EXOC4: variants seen among roughly 807,000 people sequenced by gnomAD.
EXOC4 encodes SEC8-like 1.
Under a neutral mutation model 107.2 loss-of-function variants are expected in EXOC4, and 71 were observed. That is an observed-to-expected ratio of 0.66 (90% CI 0.55 to 0.81). The LOEUF is 0.81. Among genes scored for constraint, EXOC4 ranks in the 30% least tolerant of loss-of-function variants. EXOC4 has a pLI of 0.00. For synonymous variants in EXOC4, 456 were observed against 441.2 expected, an observed-to-expected ratio of 1.03 and a Z score of -0.42; for missense variants, 1,108 against 1,189.6, an observed-to-expected ratio of 0.93 and a Z score of 1.01.
At chr7:134,066,820 G>A (rs1173635097), downstream of EXOC4, among the ~76,000 whole-genome samples, 1 of 152,132 alleles carries the variant, frequency 6.6e-6, no homozygotes, top group Non-Finnish European at 1.5e-5. Flanking sequence ...TAATGTTCTT[G>A]TGTGAAGACC....
At chr7:133,936,565 T>C (rs138469873) in intron 13 of EXOC4, among the ~76,000 whole-genome samples, 3 of 152,292 alleles carry the variant, frequency 2.0e-5, no homozygotes, top group African/African-American at 7.2e-5. Flanking sequence ...TATTTCAACC[T>C]CCTCCAGCAT....
chr7:133,974,530 G>A (rs769359207), intron 14 of EXOC4, among the ~76,000 whole-genome samples: 7 of 152,010 alleles, frequency 4.6e-5, no homozygotes, highest in East Asian at 1.9e-4. Context: ...TTATTTGATC[G>A]GTAGTACACA....
At chr7:133,880,090 C>CT (rs1219424130) in intron 11 of EXOC4, among the ~76,000 whole-genome samples, 1 of 152,194 alleles carries the variant, frequency 6.6e-6, no homozygotes, top group Non-Finnish European at 1.5e-5. Flanking sequence ...CTCTGCCTCT[C>CT]TAAGTATCCA....
At chr7:133,358,203 A>C (rs1209195799) in intron 6 of EXOC4, among the ~76,000 whole-genome samples, 1 of 152,056 alleles carries the variant, frequency 6.6e-6, no homozygotes, top group South Asian at 2.1e-4. Context: ...CAAACAAACA[A>C]ACACCCCAAA....
At chr7:133,770,156 T>C (rs538722988) in intron 10 of EXOC4, among the ~76,000 whole-genome samples, 3 of 152,076 alleles carry the variant, frequency 2.0e-5, no homozygotes, top group African/African-American at 7.2e-5. Flanking sequence ...ATTAGTTAAC[T>C]ATTACATTTT....
chr7:133,979,273 G>A (rs1793916075), intron 14 of EXOC4, among the ~76,000 whole-genome samples: 1 of 151,994 alleles, frequency 6.6e-6, no homozygotes, highest in Admixed American at 6.6e-5. Context: ...AATCATTACT[G>A]TCTTACCTTT....
intron 9 of EXOC4, among the ~76,000 whole-genome samples, chr7:133,597,357 C>G (rs1312398939): frequency 6.6e-6 from 1 of 151,932 alleles, no homozygotes; most frequent in African/African-American, 2.4e-5. Context: ...AGATCCAGAC[C>G]AGCCTGAACC....
chr7:133,651,972 G>A (rs967662862), intron 10 of EXOC4, among the ~76,000 whole-genome samples: 9 of 152,130 alleles, frequency 5.9e-5, no homozygotes, highest in Admixed American at 4.6e-4. Flanking sequence ...GAGCCACCAC[G>A]CCCTGCCGTA....
At chr7:133,256,643 T>C (rs1795025989) in intron 1 of EXOC4, among the ~76,000 whole-genome samples, 1 of 152,246 alleles carries the variant, frequency 6.6e-6, no homozygotes. Context: ...AAAATGCTCC[T>C]TTAATTCTCT....
chr7:133,622,782 C>G (rs908103476), intron 9 of EXOC4, among the ~76,000 whole-genome samples: 1 of 152,066 alleles, frequency 6.6e-6, no homozygotes, highest in Non-Finnish European at 1.5e-5. Context: ...TTCAGTACTC[C>G]GTTTTAGACT....
intron 14 of EXOC4, among the ~76,000 whole-genome samples, chr7:133,990,208 T>C (rs1794218202): frequency 6.6e-6 from 1 of 152,098 alleles, no homozygotes; most frequent in Non-Finnish European, 1.5e-5. Context: ...TGTGGTACTG[T>C]CAAATACTAG....
At chr7:133,944,145 A>G (rs1800496325) in intron 14 of EXOC4, among the ~76,000 whole-genome samples, 1 of 152,130 alleles carries the variant, frequency 6.6e-6, no homozygotes, top group Admixed American at 6.5e-5. Flanking sequence ...TATTAATGAA[A>G]GTCTATACTT....
chr7:133,755,255 A>ATATATTC (rs1795882325), intron 10 of EXOC4, among the ~76,000 whole-genome samples: 1 of 100,428 alleles, frequency 1.0e-5, no homozygotes, highest in Non-Finnish European at 1.9e-5. Context: ...TATATATATT[A>ATATATTC]TATATATATT....
At chr7:133,986,047 T>A (rs1465607905) in intron 14 of EXOC4, among the ~76,000 whole-genome samples, 1 of 152,264 alleles carries the variant, frequency 6.6e-6, no homozygotes, top group African/African-American at 2.4e-5. Context: ...GATGTTGTGC[T>A]TCAGAGCGTA....
At chr7:134,063,418 G>T (rs1360546721) in intron 17 of EXOC4, among the ~76,000 whole-genome samples, 2 of 152,198 alleles carry the variant, frequency 1.3e-5, no homozygotes, top group African/African-American at 2.4e-5. Flanking sequence ...TGAAAAAACA[G>T]TCTTGAACTT....
chr7:133,954,470 A>G (rs1800768711), intron 14 of EXOC4, among the ~76,000 whole-genome samples: 2 of 152,208 alleles, frequency 1.3e-5, no homozygotes, highest in Non-Finnish European at 2.9e-5. Flanking sequence ...TTTTCTGGTT[A>G]TATTTTTAAA....
At chr7:133,951,595 T>G (rs1208982138) in intron 14 of EXOC4, among the ~76,000 whole-genome samples, 1 of 152,216 alleles carries the variant, frequency 6.6e-6, no homozygotes, top group East Asian at 1.9e-4. Context: ...CTCCTGTCCT[T>G]CCTGTTGATA....
chr7:133,658,358 C>G (rs1041829903), intron 10 of EXOC4, among the ~76,000 whole-genome samples: 2 of 152,134 alleles, frequency 1.3e-5, no homozygotes, highest in Non-Finnish European at 1.5e-5. Flanking sequence ...GTTTTAGGGC[C>G]TTTAAGGATC....
the EXOC4 span, among the ~76,000 whole-genome samples, chr7:134,074,831 C>A: frequency 4.6e-5 from 7 of 152,320 alleles, 1 homozygote; most frequent in South Asian, 1.2e-3. Flanking sequence ...TGAAGGCTCA[C>A]GGAGCATTTC....
Sources: allele counts gnomAD v4.1 joint callset (sites outside exome capture counted in the v4.1 genomes callset), GRCh38; gene constraint gnomAD v4.1.1; transcripts MANE v1.5; gene names NCBI Gene and HGNC (gene_info 2026-07-23, HGNC 2026-07-21).